ITPK1: variants seen among roughly 807,000 people sequenced by gnomAD.
ITPK1 encodes inositol 1,3,4-trisphosphate 5/6-kinase.
ITPK1 carries 21 observed loss-of-function variants against 45.3 expected under a neutral mutation model. The ratio of observed to expected loss-of-function variants is 0.46; its 90% CI spans 0.33 to 0.67. The LOEUF (loss-of-function observed/expected upper bound fraction) is 0.67, where lower values mean the gene tolerates loss of function less well. Ranked by LOEUF, ITPK1 falls within the 30% of genes least tolerant of loss-of-function variation. The pLI is 0.02. For missense variants in ITPK1, 474 were observed against 573.5 expected, an observed-to-expected ratio of 0.83 and a Z score of 1.77; for synonymous variants, 258 against 253.6, an observed-to-expected ratio of 1.02 and a Z score of -0.16.
chr14:93,056,186 G>A (rs72706423), intron 3 of ITPK1, among the ~76,000 whole-genome samples: 4,408 of 152,280 alleles, frequency 0.029, 70 homozygotes, highest in Middle Eastern at 0.051. Context: ...AGTGGCCTGG[G>A]TGCAGCAGGG....
chr14:93,045,457 G>T (rs191026876), intron 3 of ITPK1, among the ~76,000 whole-genome samples: 119 of 152,350 alleles, frequency 7.8e-4, no homozygotes, highest in African/African-American at 2.7e-3. Flanking sequence ...GGGAAGATTA[G>T]CGCAAAGTGG....
chr14:93,012,406 T>A lies in ITPK1; in HGVS notation c.246+4270A>T, dbSNP rs561428030. 6.6e-6 allele frequency among the ~76,000 whole-genome samples: 1 copy of A among 151,994 alleles called. No individual in the cohort carries two copies. Among genetic ancestry groups the A allele is most frequent in the East Asian group, 1.9e-4 (1 of 5,184 alleles). On this transcript the variant is annotated intron_variant, in intron 4 of 10. Coordinates refer to ENST00000267615, the MANE Select transcript of ITPK1 (RefSeq NM_014216.6). This position sits in a 1 kb window ranked among gnomAD's most constrained non-coding sequence, Gnocchi z 4.9. ...AACAGCTTGTGCAAAGGCGCTGAGG[T>A]GGACACACATCAGAGCCTGGGCAGC...
chr14:93,018,787 G>C (rs973469403), intron 3 of ITPK1, among the ~76,000 whole-genome samples: 2 of 152,198 alleles, frequency 1.3e-5, no homozygotes, highest in African/African-American at 4.8e-5. Flanking sequence ...CTGCTGCAAA[G>C]ACCAGGACAC....
At position 92,994,077 on chromosome 14, in the gene ITPK1, C is replaced by T. The variant is rs368922633; in HGVS notation, c.247-80G>A. The T allele has an allele frequency of 6.4e-5, 55 of 865,666 alleles. No individual in the cohort carries two copies. In the East Asian group the frequency reaches 1.1e-3, roughly 17 times the overall value. 53.6% of individuals were successfully genotyped at this position (865,666 alleles called of 1,614,324 possible). On this transcript the variant is annotated intron_variant, in intron 4 of 10. Transcript: ENST00000267615. The stretch of plus-strand genomic sequence containing the variant: ...TCACCCCTCGCGCCCTCTGCACGTC[C>T]ATCCGTTCCTGTCCTATCCTCCAGC...
rs1302086254 is a variant in ITPK1, at chr14:93,014,240, G to GC, written c.246+2435dup. ...ACCTGTGGCTGCCTGACAGCCTTAA[G>GC]CCACAAGGCCCCATGCTGCCCTCCA... is the stretch of plus-strand genomic sequence containing the variant. On this transcript the variant is annotated intron_variant, in intron 4 of 10. Coordinates refer to ENST00000267615, the MANE Select transcript of ITPK1 (RefSeq NM_014216.6). The surrounding 1 kb of genome is among the most constrained non-coding windows in gnomAD (Gnocchi z 4.4). Among the ~76,000 whole-genome samples, 2 of 152,114 alleles carry GC rather than the reference G, an allele frequency of 1.3e-5. 1 individual carries two copies. Among genetic ancestry groups the GC allele is most frequent in the East Asian group, 3.8e-4 (2 of 5,200 alleles).
intron 3 of ITPK1, among the ~76,000 whole-genome samples, chr14:93,026,192 T>A (rs1036701398): frequency 6.6e-6 from 1 of 152,232 alleles, no homozygotes; most frequent in Non-Finnish European, 1.5e-5. Flanking sequence ...CATGGTTTGA[T>A]CATGAATCCT....
At chr14:93,037,120 G>C (rs1000566686) in intron 3 of ITPK1, 1 of 152,338 alleles carries the variant, frequency 6.6e-6, no homozygotes, top group Admixed American at 6.5e-5. Flanking sequence ...TCTGAGCCAG[G>C]CCAGTCCCAA....
Position 93,016,460 on chromosome 14 carries a change from C to A in ITPK1, c.246+216G>T, listed in dbSNP as rs942338851. 2.0e-5 allele frequency among the ~76,000 whole-genome samples: 3 copies of A among 152,174 alleles called. No homozygotes were observed. Among genetic ancestry groups the A allele is most frequent in the African/African-American group, 7.2e-5 (3 of 41,420 alleles). ...CAGCCAGGGGGTGGAGACGGCCCAA[C>A]CATGCCCTGGTTCAGTCCCCACGCT... On this transcript the variant is annotated intron_variant, in intron 4 of 10. Coordinates refer to ENST00000267615, the MANE Select transcript of ITPK1 (RefSeq NM_014216.6). The surrounding 1 kb of genome is among the most constrained non-coding windows in gnomAD (Gnocchi z 5.0).
intron 3 of ITPK1, among the ~76,000 whole-genome samples, chr14:93,052,968 T>C (rs1208200846): frequency 1.0e-5 from 1 of 97,246 alleles, no homozygotes; most frequent in Admixed American, 1.1e-4. Flanking sequence ...CAGGACCTAT[T>C]GTGGGGTGGG....
In ITPK1 at chr14:92,939,373, C is replaced by T. The variant is rs886792239; in HGVS notation, c.*2188G>A. 3 of 152,364 alleles carry T rather than the reference C, an allele frequency of 2.0e-5. No individual in the cohort carries two copies. Among genetic ancestry groups the T allele is most frequent in the Non-Finnish European group, 4.4e-5 (3 of 68,166 alleles). 9.4% of individuals were successfully genotyped at this position (152,364 alleles called of 1,614,324 possible). A position where few individuals can be genotyped will look rare whatever the true frequency, so the allele number is the denominator to read the frequency against. ...TAGGGTACGTTTAGCGAGCTGGGCT[C>T]CATCTCTGCCGCTCCCAGGTGCGGG... is the stretch of plus-strand genomic sequence containing the variant. On this transcript the variant is annotated 3_prime_UTR_variant, in exon 11 of 11. Coordinates refer to ENST00000267615, the MANE Select transcript of ITPK1 (RefSeq NM_014216.6).
intron 3 of ITPK1, among the ~76,000 whole-genome samples, chr14:93,035,855 C>T (rs1184128264): frequency 6.6e-6 from 1 of 152,210 alleles, no homozygotes; most frequent in Non-Finnish European, 1.5e-5. Context: ...TGTCACCTCC[C>T]ACCAGAAACC....
intron 2 of ITPK1, among the ~76,000 whole-genome samples, chr14:93,104,685 G>A (rs1232931349): frequency 6.6e-6 from 1 of 152,114 alleles, no homozygotes; most frequent in Non-Finnish European, 1.5e-5. Flanking sequence ...CATCCTGGAG[G>A]GTAGTTATCC....
chr14:92,998,270 C>G (rs17128730), intron 4 of ITPK1, among the ~76,000 whole-genome samples: 16,932 of 152,232 alleles, frequency 0.11, 1,266 homozygotes, highest in East Asian at 0.31. Flanking sequence ...AGGGCTAAAC[C>G]TGACGCAAGG....
At chr14:93,106,794 G>A (rs1892543384) in intron 2 of ITPK1, among the ~76,000 whole-genome samples, 2 of 152,066 alleles carry the variant, frequency 1.3e-5, no homozygotes, top group South Asian at 4.2e-4. Flanking sequence ...TTGCCCACAA[G>A]CCCCTCCGGA....
chr14:93,095,716 ATGGGTAGTTTTTC>A (rs1442660984), intron 2 of ITPK1, among the ~76,000 whole-genome samples: 6 of 151,992 alleles, frequency 3.9e-5, no homozygotes, highest in Non-Finnish European at 8.8e-5. Context: ...ATAGTACCCA[ATGGGTAGTTTTTC>A]AGCCCTTGCC....
rs577192111 is a variant in ITPK1 at position 93,078,791 on chromosome 14, C to A, written c.96-2172G>T. On this transcript the variant is annotated intron_variant, in intron 2 of 10. Transcript: ENST00000267615. The stretch of plus-strand genomic sequence containing the variant: ...ATTCCCAATCATCCTGCCCCTCCCC[C>A]CGCAGGGACGAGAAAACTGAAGGAA... Among the ~76,000 whole-genome samples the A allele has an allele frequency of 2.0e-5, 3 of 152,306 alleles. No homozygotes were observed. In the East Asian group the frequency reaches 5.8e-4, roughly 29 times the overall value.
intron 2 of ITPK1, among the ~76,000 whole-genome samples, chr14:93,111,796 G>A (rs1259389791): frequency 2.0e-5 from 3 of 151,936 alleles, no homozygotes; most frequent in African/African-American, 7.3e-5. Context: ...AGGTGGGAGG[G>A]GTACAAGAGA....
intron 5 of ITPK1, among the ~76,000 whole-genome samples, chr14:92,978,540 G>C (rs1429956099): frequency 6.6e-6 from 1 of 151,938 alleles, no homozygotes; most frequent in African/African-American, 2.4e-5. Context: ...CAGGCCAGGA[G>C]GTCTAGAAGG....
chr14:93,113,593 A>G (rs913563051), intron 2 of ITPK1, among the ~76,000 whole-genome samples: 10 of 152,324 alleles, frequency 6.6e-5, no homozygotes, highest in Admixed American at 4.6e-4. Flanking sequence ...AGTGTCTTAG[A>G]ATGCCCTTCC....
Sources: gnomAD v4.1 joint callset for allele counts (sites outside exome capture counted in the v4.1 genomes callset) on GRCh38, gnomAD v4.1.1 for gene constraint, Gnocchi (gnomAD v3.1) non-coding constraint, MANE v1.5 for transcripts, NCBI Gene and HGNC (gene_info 2026-07-23, HGNC 2026-07-21) for gene names.